RAB31: variants seen among roughly 807,000 people sequenced by gnomAD.
The protein encoded by RAB31 is RAB31, member RAS oncogene family.
In RAB31, 21 loss-of-function variants were observed where a neutral mutation model predicts 25.6. The ratio of observed to expected loss-of-function variants is 0.82; its 90% confidence interval spans 0.58 to 1.18. RAB31 has a LOEUF of 1.18. Among genes scored for constraint, RAB31 ranks in the 50% most tolerant of loss-of-function variants. The pLI is 0.00. For synonymous variants in RAB31, 87 were observed against 84.0 expected, an observed-to-expected ratio of 1.04 and a Z score of -0.20; for missense variants, 196 against 250.1, an observed-to-expected ratio of 0.78 and a Z score of 1.46.
At chr18:9,857,028 C>G (rs1340431585) in intron 6 of RAB31, among the ~76,000 whole-genome samples, 2 of 152,130 alleles carry the variant, frequency 1.3e-5, no homozygotes, top group Non-Finnish European at 2.9e-5. Context: ...AAGGAAAATT[C>G]ATACTTATGG....
chr18:9,749,492 G>T (rs947177790), intron 1 of RAB31, among the ~76,000 whole-genome samples: 3 of 152,162 alleles, frequency 2.0e-5, no homozygotes, highest in African/African-American at 7.2e-5. Context: ...GGAGAGCTGG[G>T]ATTTATTGTA....
At position 9,766,169 on chromosome 18, in the gene RAB31, G is replaced by A. The variant is rs370093856; in HGVS notation, c.40-9109G>A. Among the ~76,000 whole-genome samples the A allele has an allele frequency of 5.3e-5, 8 of 152,274 alleles. No individual in the cohort carries two copies. The highest frequency in any genetic ancestry group is 1.9e-4 in the African/African-American group (8 of 41,556). On this transcript the variant is annotated intron_variant, in intron 1 of 6. Coordinates refer to ENST00000578921, the MANE Select transcript of RAB31 (RefSeq NM_006868.4). The surrounding 1 kb of genome is among the most constrained non-coding windows in gnomAD (Gnocchi z 4.3). ...GGTTTTGGGGCTGTAGAAAGGGGAG[G>A]AGTAGCCATCCAGTAACCCTGGCCT... is the stretch of plus-strand genomic sequence containing the variant.
At position 9,859,245 on chromosome 18, in the gene RAB31, T is replaced by G. The variant is rs2068834733; in HGVS notation, c.508T>G (p.Leu170Val). 2 of 1,613,678 alleles carry G rather than the reference T, an allele frequency of 1.2e-6. No individual in the cohort carries two copies. The highest frequency in any genetic ancestry group is 2.7e-5 in the African/African-American group (2 of 74,894). ...FQGISRQIPP[L>V]DPHENGNNGT... ...TGTTGCAGGCCGCCAGATCCCACCC[T>G]TGGACCCCCATGAAAATGGAAACAA... is the stretch of plus-strand genomic sequence containing the variant. Residue 170 changes from leucine to valine, a missense_variant, in exon 7 of 7, where the codon TTG (leucine) becomes GTG (valine). By Grantham distance (32) the Leu-to-Val change is conservative (BLOSUM62 1). Coordinates refer to ENST00000578921, the MANE Select transcript of RAB31 (RefSeq NM_006868.4).
chr18:9,787,954 T>C (rs556266745), intron 2 of RAB31: 1 of 152,234 alleles, frequency 6.6e-6, no homozygotes, highest in Admixed American at 6.5e-5. Flanking sequence ...AGATTAACTT[T>C]CGACATTTCA....
chr18:9,820,147 T>A (rs563319171), intron 5 of RAB31, among the ~76,000 whole-genome samples: 9 of 152,246 alleles, frequency 5.9e-5, no homozygotes, highest in African/African-American at 2.2e-4. Context: ...ATCTTAAGGA[T>A]AAAATGCTCC....
In RAB31 at chr18:9,789,815, GT is replaced by G. The variant is rs529108448; in HGVS notation, c.120-2335del. ...TTAAAGAAATAAAGGAATAGATGTG[GT>G]TTTGATACTACTGGATTTGTCACTT... is the stretch of plus-strand genomic sequence containing the variant. On this transcript the variant is annotated intron_variant, in intron 2 of 6. Transcript: ENST00000578921. Among the ~76,000 whole-genome samples the G allele has an allele frequency of 5.6e-3, 846 of 152,242 alleles. 8 individuals are homozygous for G. The highest frequency in any genetic ancestry group is 0.019 in the African/African-American group (786 of 41,548).
chr18:9,841,062 C>T (rs758610358), intron 5 of RAB31, among the ~76,000 whole-genome samples: 3 of 152,110 alleles, frequency 2.0e-5, no homozygotes, highest in Non-Finnish European at 2.9e-5. Context: ...TCCTGAGTAG[C>T]TGAGTCCACA....
intron 5 of RAB31, among the ~76,000 whole-genome samples, chr18:9,833,839 G>A (rs2068691417): frequency 6.6e-6 from 1 of 152,180 alleles, no homozygotes; most frequent in African/African-American, 2.4e-5. Flanking sequence ...TTAAAACAGT[G>A]CCAAAAGTGT....
intron 5 of RAB31, among the ~76,000 whole-genome samples, chr18:9,827,184 A>G (rs1296713152): frequency 6.6e-6 from 1 of 151,974 alleles, no homozygotes; most frequent in Non-Finnish European, 1.5e-5. Flanking sequence ...CTTCTAATGG[A>G]ACTGCTTTTC....
At chr18:9,744,882 A>G (rs1173712987) in intron 1 of RAB31, among the ~76,000 whole-genome samples, 3 of 152,192 alleles carry the variant, frequency 2.0e-5, no homozygotes, top group African/African-American at 7.2e-5. Flanking sequence ...CTTCAAATCA[A>G]TAACCCAATT....
At chr18:9,824,734 C>T (rs1263953770) in intron 5 of RAB31, among the ~76,000 whole-genome samples, 4 of 152,284 alleles carry the variant, frequency 2.6e-5, no homozygotes, top group South Asian at 2.1e-4. Context: ...CAGAGGCATC[C>T]GGTCAGGTAC....
intron 3 of RAB31, among the ~76,000 whole-genome samples, chr18:9,811,508 G>A (rs999360270): frequency 3.9e-5 from 6 of 152,172 alleles, no homozygotes; most frequent in African/African-American, 1.4e-4. Context: ...AAAAGCTTCA[G>A]GATCCACTTC....
rs963962987 is a variant in RAB31 at position 9,768,485 on chromosome 18, C to T, written c.40-6793C>T. On this transcript the variant is annotated intron_variant, in intron 1 of 6. Transcript: ENST00000578921. Reference sequence around the variant, plus strand: ...AACTTTTTTCCATATGTTTTTTGGCCACAAAAATGTCTTTTTTTGAGAAGT... The same window carrying T: ...AACTTTTTTCCATATGTTTTTTGGCTACAAAAATGTCTTTTTTTGAGAAGT... 1.6e-4 allele frequency among the ~76,000 whole-genome samples: 24 copies of T among 152,012 alleles called. 1 individual carries two copies. Among genetic ancestry groups the T allele is most frequent in the Admixed American group, 1.6e-3 (24 of 15,248 alleles).
At chr18:9,790,794 A>G (rs2068455905) in intron 2 of RAB31, among the ~76,000 whole-genome samples, 1 of 152,210 alleles carries the variant, frequency 6.6e-6, no homozygotes, top group Non-Finnish European at 1.5e-5. Context: ...CCAGAATGCT[A>G]TATAGGTGAT....
At chr18:9,843,163 A>C (rs530052080) in intron 5 of RAB31, among the ~76,000 whole-genome samples, 1 of 152,010 alleles carries the variant, frequency 6.6e-6, no homozygotes, top group South Asian at 2.1e-4. Flanking sequence ...TCCTCACCCC[A>C]CCCCCAGTAG....
At chr18:9,794,545 C>G (rs13381902) in intron 3 of RAB31, among the ~76,000 whole-genome samples, 64,545 of 151,952 alleles carry the variant, frequency 0.42, 13,911 homozygotes, top group South Asian at 0.52. Context: ...GGCTGGGCAC[C>G]GTGGCTCATG....
intron 1 of RAB31, among the ~76,000 whole-genome samples, chr18:9,718,408 C>T (rs949345230): frequency 6.6e-6 from 1 of 151,768 alleles, no homozygotes; most frequent in African/African-American, 2.4e-5. Flanking sequence ...TACAGGCATG[C>T]GCCACCATGC....
At chr18:9,734,777 G>GTTTTA (rs2068142226) in intron 1 of RAB31, 1 of 161,864 alleles carries the variant, frequency 6.2e-6, no homozygotes, top group African/African-American at 2.4e-5. Flanking sequence ...TTTTTGTTTG[G>GTTTTA]TTTTGTTTTT....
intron 1 of RAB31, among the ~76,000 whole-genome samples, chr18:9,710,465 T>C (rs2068010619): frequency 6.6e-6 from 1 of 152,174 alleles, no homozygotes; most frequent in Non-Finnish European, 1.5e-5. Flanking sequence ...TGCCTTACCT[T>C]TGCCAGTTCT....
Sources: gnomAD v4.1 joint callset for allele counts (sites outside exome capture counted in the v4.1 genomes callset) on GRCh38, gnomAD v4.1.1 for gene constraint, Gnocchi (gnomAD v3.1) non-coding constraint, MANE v1.5 for transcripts, NCBI Gene and HGNC (gene_info 2026-07-23, HGNC 2026-07-21) for gene names.